DPYD: variants seen among roughly 807,000 people sequenced by gnomAD.
DPYD encodes the protein dihydropyrimidine dehydrogenase, also known as dihydropyrimidine dehydrogenase [NADP(+)].
A neutral mutation model predicts 116.2 loss-of-function variants in DPYD; 109 were observed. The ratio of observed to expected loss-of-function variants is 0.94; its 90% CI spans 0.80 to 1.10. DPYD has a LOEUF of 1.10. Ranked by LOEUF, DPYD falls within the 50% of genes least tolerant of loss-of-function variation. DPYD has a pLI of 0.00. For missense variants in DPYD, 1,302 were observed against 1,254.5 expected, an observed-to-expected ratio of 1.04 and a Z score of -0.57; for synonymous variants, 440 against 432.0, an observed-to-expected ratio of 1.02 and a Z score of -0.23.
intron 14 of DPYD, among the ~76,000 whole-genome samples, chr1:97,392,607 A>C (rs546983969): frequency 6.6e-6 from 1 of 152,180 alleles, no homozygotes; most frequent in Admixed American, 6.6e-5. Context: ...AAACTCAGTT[A>C]CTGCTTTATC....
intron 20 of DPYD, among the ~76,000 whole-genome samples, chr1:97,160,133 C>T (rs1209445931): frequency 6.6e-6 from 1 of 152,074 alleles, no homozygotes; most frequent in Non-Finnish European, 1.5e-5. Flanking sequence ...TCAACTAATT[C>T]ACCAACAATT....
intron 3 of DPYD, among the ~76,000 whole-genome samples, chr1:97,819,308 G>A (rs770537842): frequency 6.6e-6 from 1 of 151,836 alleles, no homozygotes; most frequent in Admixed American, 6.6e-5. Context: ...ACATAATTAA[G>A]ATAGAATTTT....
intron 14 of DPYD, among the ~76,000 whole-genome samples, chr1:97,395,006 C>G (rs1319535540): frequency 1.3e-5 from 2 of 151,786 alleles, no homozygotes; most frequent in Non-Finnish European, 2.9e-5. Flanking sequence ...TTTGAATTTT[C>G]GATCATTTTC....
At chr1:97,149,044 C>T (rs7520102) in intron 20 of DPYD, among the ~76,000 whole-genome samples, 27,405 of 152,068 alleles carry the variant, frequency 0.18, 2,530 homozygotes, top group East Asian at 0.29. Context: ...ATTGTACATA[C>T]ATAACATGCA....
At chr1:97,455,996 A>G (rs1489295820) in intron 13 of DPYD, among the ~76,000 whole-genome samples, 3 of 151,986 alleles carry the variant, frequency 2.0e-5, no homozygotes, top group Non-Finnish European at 4.4e-5. Context: ...TAGAAATAAA[A>G]GATAAATTAT....
chr1:97,223,593 T>G (rs996820043), intron 19 of DPYD, among the ~76,000 whole-genome samples: 2 of 152,058 alleles, frequency 1.3e-5, no homozygotes, highest in Non-Finnish European at 2.9e-5. Flanking sequence ...AAAAAAGTCA[T>G]ATAGTATGTA....
chr1:97,531,573 T>C (rs1300918917), intron 12 of DPYD, among the ~76,000 whole-genome samples: 1 of 152,188 alleles, frequency 6.6e-6, no homozygotes, highest in Non-Finnish European at 1.5e-5. Flanking sequence ...ATAATGTTTC[T>C]AGCTTTATTC....
chr1:97,860,358 C>A (rs1025018529), intron 2 of DPYD, among the ~76,000 whole-genome samples: 13 of 152,096 alleles, frequency 8.5e-5, no homozygotes, highest in African/African-American at 3.1e-4. Flanking sequence ...TACGGGAAAA[C>A]AATTACAAAG....
chr1:97,785,215 G>C (rs1413029695), intron 3 of DPYD, among the ~76,000 whole-genome samples: 2 of 152,006 alleles, frequency 1.3e-5, no homozygotes, highest in Non-Finnish European at 2.9e-5. Flanking sequence ...AAAGTCCATT[G>C]AACGTTTAAT....
intron 2 of DPYD, among the ~76,000 whole-genome samples, chr1:97,873,548 G>A (rs1671762904): frequency 6.6e-6 from 1 of 151,762 alleles, no homozygotes; most frequent in Non-Finnish European, 1.5e-5. Flanking sequence ...TATGTTAGTA[G>A]ATAAAACTTA....
chr1:97,315,174 C>T (rs2101072930), intron 16 of DPYD, among the ~76,000 whole-genome samples: 1 of 152,100 alleles, frequency 6.6e-6, no homozygotes, highest in Admixed American at 6.6e-5. Flanking sequence ...ACATGAACCA[C>T]TCGGATCTAC....
intron 13 of DPYD, 55 bp downstream of exon 13, chr1:97,515,671 C>T: frequency 1.3e-6 from 2 of 1,495,652 alleles, no homozygotes; most frequent in South Asian, 1.2e-5. Context: ...ATGTTTATAC[C>T]TTAATTAAAA....
intron 20 of DPYD, among the ~76,000 whole-genome samples, chr1:97,171,291 G>A (rs191337380): frequency 1.8e-4 from 27 of 152,224 alleles, no homozygotes; most frequent in African/African-American, 6.0e-4. Flanking sequence ...TTTATCCTAA[G>A]TTCACTGAAT....
At chr1:97,289,451 A>G (rs1310034933) in intron 18 of DPYD, among the ~76,000 whole-genome samples, 1 of 152,132 alleles carries the variant, frequency 6.6e-6, no homozygotes, top group African/African-American at 2.4e-5. Flanking sequence ...AAATACTGGC[A>G]AAACGAATCC....
chr1:97,562,979 A>G (rs1652267727), intron 11 of DPYD, among the ~76,000 whole-genome samples: 1 of 152,176 alleles, frequency 6.6e-6, no homozygotes, highest in Admixed American at 6.5e-5. Context: ...TCAGCCGCCC[A>G]AAGTGCTGGG....
Position 97,828,286 on chromosome 1 carries a change from T to G in DPYD, c.151-90A>C, listed in dbSNP as rs150500419. The G allele has an allele frequency of 7.3e-4, 886 of 1,214,036 alleles. 5 individuals are homozygous for G. In the African/African-American group the frequency reaches 0.012, roughly 16 times the overall value. The allele number at this position is 1,214,036 out of a possible 1,614,324, so 75.2% of individuals were successfully genotyped here. A position where few individuals can be genotyped will look rare whatever the true frequency, so the allele number is the denominator to read the frequency against. On this transcript the variant is annotated intron_variant, in intron 2 of 22. Transcript: ENST00000370192. ...TATGCAAAAATGTAATTGATTATAT[T>G]GATCATGGACTCATGAAAAATATGC...
chr1:97,589,843 C>A (rs746591026), intron 10 of DPYD, among the ~76,000 whole-genome samples: 1 of 152,074 alleles, frequency 6.6e-6, no homozygotes, highest in Non-Finnish European at 1.5e-5. Flanking sequence ...ACATATTTGA[C>A]GACATCTCTA....
At chr1:97,278,205 C>G (rs1054386437) in intron 18 of DPYD, among the ~76,000 whole-genome samples, 1 of 152,164 alleles carries the variant, frequency 6.6e-6, no homozygotes. Context: ...TTGAGCAATA[C>G]CTAACTACTA....
At chr1:97,712,391 C>T (rs80338463) in intron 5 of DPYD, among the ~76,000 whole-genome samples, 1,847 of 152,068 alleles carry the variant, frequency 0.012, 34 homozygotes, top group African/African-American at 0.042. Context: ...AATTTACAGT[C>T]AACTATTTTT....
Sources: gnomAD v4.1 joint callset for allele counts (sites outside exome capture counted in the v4.1 genomes callset) on GRCh38, gnomAD v4.1.1 for gene constraint, MANE v1.5 for transcripts, NCBI Gene and HGNC (gene_info 2026-07-23, HGNC 2026-07-21) for gene names.